FBXL13: variants seen among roughly 807,000 people sequenced by gnomAD.
FBXL13 encodes F-box and leucine rich repeat protein 13, also known as F-box and leucine-rich repeat protein 13.
Under a neutral mutation model 83.6 loss-of-function variants are expected in FBXL13, and 67 were observed. That is an observed-to-expected ratio of 0.80 (90% CI 0.66 to 0.98). FBXL13 has a LOEUF of 0.98. Ranked by LOEUF, FBXL13 falls within the 50% of genes least tolerant of loss-of-function variation. The pLI is 0.00. For synonymous variants in FBXL13, 272 were observed against 299.5 expected, an observed-to-expected ratio of 0.91 and a Z score of 0.95; for missense variants, 822 against 866.5, an observed-to-expected ratio of 0.95 and a Z score of 0.64.
intron 16 of FBXL13, among the ~76,000 whole-genome samples, chr7:102,858,012 C>T (rs112050434): frequency 1.6e-4 from 25 of 152,292 alleles, no homozygotes; most frequent in African/African-American, 6.0e-4. Flanking sequence ...ATGTTTACTA[C>T]AGCACTACTC....
In FBXL13 at chr7:102,902,737, C is replaced by T. The variant is rs76529082; in HGVS notation, c.1008+10349G>A. ...CCTTTGCTGAAAATGAGTCCACTGTCGGTGTATAGATTTGTTTCTGGGTTC... is the reference window on the plus strand; with the variant it reads ...CCTTTGCTGAAAATGAGTCCACTGTTGGTGTATAGATTTGTTTCTGGGTTC... On this transcript the variant is annotated intron_variant, in intron 11 of 19. Coordinates refer to ENST00000313221, the Ensembl canonical transcript of FBXL13. Among the ~76,000 whole-genome samples, 580 of 152,094 alleles carry T rather than the reference C, an allele frequency of 3.8e-3. 5 individuals carry two copies. Among genetic ancestry groups the T allele is most frequent in the African/African-American group, 0.014 (562 of 41,516 alleles).
chr7:103,042,234 G>A (rs1035343127), intron 2 of FBXL13, among the ~76,000 whole-genome samples: 14 of 152,214 alleles, frequency 9.2e-5, no homozygotes, highest in African/African-American at 3.4e-4. Context: ...TTGCTTCAAA[G>A]AGAATAAAAT....
intron 17 of FBXL13, among the ~76,000 whole-genome samples, chr7:102,846,134 C>T (rs573774064): frequency 6.6e-5 from 10 of 152,150 alleles, no homozygotes; most frequent in Admixed American, 1.3e-4. Flanking sequence ...TGACAACCAC[C>T]ACATAGTATT....
intron 11 of FBXL13, among the ~76,000 whole-genome samples, chr7:102,894,024 A>G (rs188505622): frequency 1.5e-3 from 226 of 152,220 alleles, no homozygotes; most frequent in African/African-American, 5.1e-3. Context: ...AGGAAAGAAA[A>G]GAAAAGAAAG....
chr7:103,029,470 A>AGAGGTAGTCTGTGCATT, intron 2 of FBXL13, 52 bp from the exon 4 acceptor site: 1 of 1,027,510 alleles, frequency 9.7e-7, no homozygotes, highest in Non-Finnish European at 1.4e-6. Flanking sequence ...AATGGAATGC[A>AGAGGTAGTCTGTGCATT]CAGACTACCT....
Sources: gnomAD v4.1 joint callset for allele counts (sites outside exome capture counted in the v4.1 genomes callset) on GRCh38, gnomAD v4.1.1 for gene constraint, MANE v1.5 for transcripts, NCBI Gene and HGNC (gene_info 2026-07-23, HGNC 2026-07-21) for gene names.